The following MLLT10 variants were observed in gnomAD, a reference collection of about 807,000 sequenced individuals.
MLLT10 encodes MLLT10 histone lysine methyltransferase DOT1L cofactor, also known as protein AF-10.
A neutral mutation model predicts 129.1 loss-of-function variants in MLLT10; 30 were observed. The observed-to-expected ratio is 0.23, with a 90% CI of 0.17 to 0.32. MLLT10 has a LOEUF of 0.32. Ranked by LOEUF, MLLT10 falls within the 10% of genes least tolerant of loss-of-function variation. MLLT10 has a pLI of 1.00. For missense variants in MLLT10, 1,119 were observed against 1,268.3 expected, an observed-to-expected ratio of 0.88 and a Z score of 1.79; for synonymous variants, 490 against 446.4, an observed-to-expected ratio of 1.10 and a Z score of -1.23.
At chr10:21,737,634 A>G (rs1489902092) in intron 21 of MLLT10, among the ~76,000 whole-genome samples, 4 of 152,104 alleles carry the variant, frequency 2.6e-5, no homozygotes, top group Non-Finnish European at 4.4e-5. Flanking sequence ...TAACGGTTAG[A>G]TAAGAGGGGA....
At chr10:21,629,263 C>CT (rs1416126095) in intron 8 of MLLT10, among the ~76,000 whole-genome samples, 2 of 152,072 alleles carry the variant, frequency 1.3e-5, no homozygotes, top group Admixed American at 1.3e-4. Context: ...CTTTTTCTGA[C>CT]TAAATGTCTT....
chr10:21,642,488 C>T (rs1257294679), intron 8 of MLLT10, among the ~76,000 whole-genome samples: 1 of 152,096 alleles, frequency 6.6e-6, no homozygotes, highest in African/African-American at 2.4e-5. Context: ...GAAACCCCGT[C>T]TCTACTAAAA....
chr10:21,537,531 C>T (rs965219934), intron 2 of MLLT10, among the ~76,000 whole-genome samples: 4 of 152,100 alleles, frequency 2.6e-5, no homozygotes, highest in Admixed American at 2.0e-4. Context: ...GTGGCGTGAT[C>T]TCGGCTCAGT....
At position 21,740,184 on chromosome 10, in the gene MLLT10, C is replaced by A. The variant is rs1933360696; in HGVS notation, c.3110C>A (p.Thr1037Asn). ...CAGGCACCCCCACTTCACACAGCTA[C>A]CACCAACCCATTTCTCACCATCCAT... is the stretch of plus-strand genomic sequence containing the variant. Reference protein sequence around the residue: ...GTQAPPLHTATTNPFLTIHGD... With the variant: ...GTQAPPLHTANTNPFLTIHGD... Residue 1037 changes from threonine to asparagine, a missense_variant, in exon 22 of 23, where the codon ACC (threonine) becomes AAC (asparagine). Around this residue, in one of 5 missense-constraint regions of MLLT10, gnomAD observed 1,004 missense variants for 1,008.7 expected, o/e 1.00. Coordinates refer to ENST00000307729, the MANE Select transcript of MLLT10 (RefSeq NM_001195626.3). The A allele has an allele frequency of 6.2e-7, 1 of 1,614,182 alleles. No individual in the cohort carries two copies. Among genetic ancestry groups the A allele is most frequent in the East Asian group, 2.2e-5 (1 of 44,886 alleles).
chr10:21,724,387 CTG>C (rs1412432683), intron 14 of MLLT10, among the ~76,000 whole-genome samples: 1 of 152,228 alleles, frequency 6.6e-6, no homozygotes, highest in Non-Finnish European at 1.5e-5. Flanking sequence ...AGCTTCTTCT[CTG>C]TGTTATTTTG....
intron 9 of MLLT10, among the ~76,000 whole-genome samples, chr10:21,662,299 A>G (rs2050292472): frequency 1.3e-5 from 2 of 152,104 alleles, no homozygotes; most frequent in Admixed American, 1.3e-4. Flanking sequence ...ATGATTTCAA[A>G]TATTGCTTCT....
rs148307416 is a variant in MLLT10, at chr10:21,715,035, T to C, written c.1878+1085T>C. On this transcript the variant is annotated intron_variant, in intron 14 of 22. Coordinates refer to ENST00000307729, the MANE Select transcript of MLLT10 (RefSeq NM_001195626.3). ...ATTTCTCCAAAGCTCTAGTAGTCTT[T>C]TAATGGTCAAGAAAATGGTCACAGG... Among the ~76,000 whole-genome samples, 20 of 152,322 alleles carry C rather than the reference T, an allele frequency of 1.3e-4. No homozygotes were observed. The East Asian group carries it at 3.7e-3, about 28-fold the overall frequency.
intron 9 of MLLT10, among the ~76,000 whole-genome samples, chr10:21,652,809 A>G (rs150075622): frequency 6.6e-6 from 1 of 152,340 alleles, no homozygotes; most frequent in African/African-American, 2.4e-5. Context: ...CAGGGAGGCC[A>G]TTAGCAAGGT....
chr10:21,624,933 G>T, intron 8 of MLLT10: 1 of 1,307,632 alleles, frequency 7.6e-7, no homozygotes, highest in Non-Finnish European at 1.1e-6. Context: ...TCTTGGAGGT[G>T]GTGCTCCCCT....
intron 2 of MLLT10, among the ~76,000 whole-genome samples, chr10:21,538,578 A>T (rs1389543855): frequency 6.6e-6 from 1 of 152,004 alleles, no homozygotes; most frequent in Non-Finnish European, 1.5e-5. Context: ...AAATGCTGGG[A>T]TTACAGGCAT....
At chr10:21,725,236 T>A (rs1398242444) in intron 14 of MLLT10, among the ~76,000 whole-genome samples, 1 of 152,186 alleles carries the variant, frequency 6.6e-6, no homozygotes, top group African/African-American at 2.4e-5. Flanking sequence ...GCTTGTGATA[T>A]GAGAGATTGA....
intron 11 of MLLT10, among the ~76,000 whole-genome samples, chr10:21,679,407 T>C (rs1215580118): frequency 2.0e-5 from 3 of 152,232 alleles, no homozygotes; most frequent in African/African-American, 7.2e-5. Context: ...TTTGATTTAC[T>C]AAAGTGAAAG....
At position 21,733,569 on chromosome 10, in the gene MLLT10, A is replaced by G. The variant is rs1182525202; in HGVS notation, c.2473A>G (p.Asn825Asp). The change falls in exon 19 of 23, where the codon AAT becomes GAT. Residue 825 changes from asparagine (N) to aspartate (D), a missense_variant. Physicochemically the swap from Asn to Asp is conservative, Grantham distance 23. Around this residue, in one of 5 missense-constraint regions of MLLT10, gnomAD observed 1,004 missense variants for 1,008.7 expected, o/e 1.00. Transcript: ENST00000307729. ...TATAGGAAACAGCTTTTTACCTGAT[A>G]ATTCTCTTCCTGTATTAAATCAGGT... ...PHIGNSFLPD[N>D]SLPVLNQDLT... 3.8e-6 allele frequency: 6 copies of G among 1,573,736 alleles called. No homozygotes were observed. Among genetic ancestry groups the G allele is most frequent in the Admixed American group, 2.0e-5 (1 of 51,036 alleles).
Position 21,732,987 on chromosome 10 carries a change from A to G in MLLT10, c.2307A>G (p.Glu769=). The change falls in exon 18 of 23, where the codon GAA becomes GAG. Residue 769 remains glutamate (E), a synonymous_variant. Coordinates refer to ENST00000307729, the MANE Select transcript of MLLT10 (RefSeq NM_001195626.3). ...TTAAAAACTTGACTGCCAAAAAGGA[A>G]CGGCTTCAGTTATTGAATGCACAGC... ...EQIKNLTAKK[E]RLQLLNAQLS... is the part of the protein sequence containing the mutation. 6.2e-7 allele frequency: 1 copy of G among 1,614,088 alleles called. No homozygotes were observed.
intron 3 of MLLT10, among the ~76,000 whole-genome samples, chr10:21,579,241 C>T (rs1443580089): frequency 6.6e-6 from 1 of 152,090 alleles, no homozygotes; most frequent in Non-Finnish European, 1.5e-5. Flanking sequence ...GTCACTGTTC[C>T]CTCTGCCCTC....
intron 5 of MLLT10, among the ~76,000 whole-genome samples, chr10:21,608,810 C>A (rs1055396206): frequency 2.0e-5 from 3 of 152,092 alleles, no homozygotes; most frequent in African/African-American, 7.2e-5. Context: ...AAATAAAATT[C>A]AAACTCCAGA....
Position 21,534,631 on chromosome 10 carries a change from C to T in MLLT10, c.1-14C>T, listed in dbSNP as rs1163170539. 1.2e-6 allele frequency: 2 copies of T among 1,600,106 alleles called. No individual in the cohort carries two copies. Among genetic ancestry groups the T allele is most frequent in the Admixed American group, 1.7e-5 (1 of 58,518 alleles). ...TGCATGTGTTTTTTAATGGTCCCCCCAACTCCCTCTTAGATGGTCTCTAGC... is the reference window on the plus strand; with the variant it reads ...TGCATGTGTTTTTTAATGGTCCCCCTAACTCCCTCTTAGATGGTCTCTAGC... On this transcript the variant is annotated splice_polypyrimidine_tract_variant and intron_variant, in intron 1 of 22. Coordinates refer to ENST00000307729, the MANE Select transcript of MLLT10 (RefSeq NM_001195626.3).
chr10:21,619,864 T>C (rs932179109), intron 8 of MLLT10, among the ~76,000 whole-genome samples: 35 of 152,140 alleles, frequency 2.3e-4, no homozygotes, highest in African/African-American at 8.4e-4. Flanking sequence ...AGTTAAAAGA[T>C]TGAGTGTTAT....
chr10:21,666,009 T>C (rs2050755344), intron 9 of MLLT10, among the ~76,000 whole-genome samples: 1 of 152,158 alleles, frequency 6.6e-6, no homozygotes, highest in Non-Finnish European at 1.5e-5. Context: ...CTCTGTGTAG[T>C]TGCATTTTAA....
Sources: gnomAD v4.1 joint callset for allele counts (sites outside exome capture counted in the v4.1 genomes callset) on GRCh38, gnomAD v4.1.1 for gene constraint, gnomAD v4.1.1 regional missense constraint, MANE v1.5 for transcripts, NCBI Gene and HGNC (gene_info 2026-07-23, HGNC 2026-07-21) for gene names.